PIGL: variants seen among roughly 807,000 people sequenced by gnomAD.
The protein encoded by PIGL is phosphatidylinositol glycan anchor biosynthesis class L, also known as N-acetylglucosaminyl-phosphatidylinositol de-N-acetylase.
A neutral mutation model predicts 31.1 loss-of-function variants in PIGL; 22 were observed. That is an observed-to-expected ratio of 0.71 (90% confidence interval 0.51 to 1.01). PIGL has a LOEUF of 1.01. PIGL is among the 50% of genes least tolerant of loss of function. The pLI is 0.00. For synonymous variants in PIGL, 131 were observed against 117.4 expected, an observed-to-expected ratio of 1.12 and a Z score of -0.75; for missense variants, 302 against 315.9, an observed-to-expected ratio of 0.96 and a Z score of 0.33.
At chr17:16,264,882 C>A (rs904488839) in intron 2 of PIGL, among the ~76,000 whole-genome samples, 3 of 152,180 alleles carry the variant, frequency 2.0e-5, no homozygotes, top group African/African-American at 7.2e-5. Context: ...CCTCCTCTGC[C>A]TCCCAAAGTG....
chr17:16,277,681 C>T (rs985939081), intron 2 of PIGL, among the ~76,000 whole-genome samples: 1 of 152,108 alleles, frequency 6.6e-6, no homozygotes, highest in East Asian at 1.9e-4. Flanking sequence ...TCAATAACAC[C>T]TGTTAGAGTT....
At chr17:16,305,079 C>T (rs1259562545) in intron 3 of PIGL, among the ~76,000 whole-genome samples, 4 of 152,030 alleles carry the variant, frequency 2.6e-5, no homozygotes, top group Non-Finnish European at 4.4e-5. Flanking sequence ...TGCTTGAGAC[C>T]AGCCTGGGCA....
intron 3 of PIGL, among the ~76,000 whole-genome samples, chr17:16,302,600 C>A (rs1168254222): frequency 5.3e-5 from 8 of 151,922 alleles, no homozygotes; most frequent in Admixed American, 6.6e-5. Context: ...ATCTTTTTTT[C>A]TTTTTCTTTT....
intron 2 of PIGL, among the ~76,000 whole-genome samples, chr17:16,276,476 T>C (rs1483881863): frequency 6.6e-6 from 1 of 152,232 alleles, no homozygotes; most frequent in Non-Finnish European, 1.5e-5. Context: ...CTCACACCTA[T>C]AATCCCAGCA....
intron 2 of PIGL, among the ~76,000 whole-genome samples, chr17:16,284,442 C>G (rs1461959474): frequency 6.6e-6 from 1 of 152,190 alleles, no homozygotes; most frequent in African/African-American, 2.4e-5. Context: ...TGCCTGGGGA[C>G]TAGACTGCCT....
chr17:16,251,588 A>G (rs942587673), intron 2 of PIGL, among the ~76,000 whole-genome samples: 2 of 151,676 alleles, frequency 1.3e-5, no homozygotes, highest in African/African-American at 2.4e-5. Context: ...GGGGGAAAAA[A>G]TCTAGTTCTC....
At chr17:16,313,137 C>CT (rs1313204364) in intron 3 of PIGL, among the ~76,000 whole-genome samples, 2 of 152,076 alleles carry the variant, frequency 1.3e-5, no homozygotes, top group African/African-American at 4.8e-5. Context: ...TCCTTCAAAG[C>CT]TTTTTTTGCC....
chr17:16,255,770 T>C (rs914308183), intron 2 of PIGL, among the ~76,000 whole-genome samples: 1 of 152,118 alleles, frequency 6.6e-6, no homozygotes, highest in Non-Finnish European at 1.5e-5. Flanking sequence ...CACAAAGAAG[T>C]GGCTGGGCTG....
At chr17:16,317,223 T>C in intron 5 of PIGL, 1 of 1,005,250 alleles carries the variant, frequency 9.9e-7, no homozygotes, top group Non-Finnish European at 1.2e-6. Context: ...AATGAAAACG[T>C]AAGTAGTTTG....
chr17:16,220,035 C>T (rs1272827901), intron 1 of PIGL, among the ~76,000 whole-genome samples: 2 of 151,728 alleles, frequency 1.3e-5, no homozygotes, highest in East Asian at 1.9e-4. Flanking sequence ...AATTTGGGAC[C>T]AGAATTGAAA....
At chr17:16,231,120 C>T (rs1263312641) in intron 1 of PIGL, among the ~76,000 whole-genome samples, 1 of 138,290 alleles carries the variant, frequency 7.2e-6, no homozygotes, top group African/African-American at 2.7e-5. Flanking sequence ...TATTCCCCAG[C>T]CTGGTCTTGA....
chr17:16,324,579 G>A (rs1459733339), intron 6 of PIGL, among the ~76,000 whole-genome samples: 1 of 151,836 alleles, frequency 6.6e-6, no homozygotes, highest in Non-Finnish European at 1.5e-5. Flanking sequence ...GGCTGGTCTC[G>A]AACTCCCGAC....
At chr17:16,220,275 G>C (rs1368076155) in intron 1 of PIGL, among the ~76,000 whole-genome samples, 1 of 151,908 alleles carries the variant, frequency 6.6e-6, no homozygotes, top group Non-Finnish European at 1.5e-5. Context: ...TTGAACCCAG[G>C]AGGCGGAGGT....
chr17:16,233,868 G>C (rs974137013), intron 1 of PIGL, 103 bp from the exon 2 acceptor site: 3 of 633,768 alleles, frequency 4.7e-6, no homozygotes, highest in Non-Finnish European at 5.6e-6. Context: ...TTTTCAGGCA[G>C]CTTAAATCCT....
At chr17:16,241,491 T>G (rs2092723172) in intron 2 of PIGL, among the ~76,000 whole-genome samples, 1 of 151,238 alleles carries the variant, frequency 6.6e-6, no homozygotes, top group African/African-American at 2.4e-5. Context: ...CACTTGAACC[T>G]GGGAGGAGGA....
chr17:16,238,832 ACAGGAGGTGAAGGTTG>A (rs2092710489), intron 2 of PIGL, among the ~76,000 whole-genome samples: 1 of 148,030 alleles, frequency 6.8e-6, no homozygotes, highest in South Asian at 2.2e-4. Context: ...CTGCTTGAAC[ACAGGAGGTGAAGGTTG>A]CAGTGAGCTG....
chr17:16,233,412 C>T (rs1263729918), intron 1 of PIGL, among the ~76,000 whole-genome samples: 1 of 152,038 alleles, frequency 6.6e-6, no homozygotes, highest in Non-Finnish European at 1.5e-5. Flanking sequence ...GGATCAAGAT[C>T]CCCTTGGGGT....
chr17:16,273,259 G>C (rs1287400326), intron 2 of PIGL, among the ~76,000 whole-genome samples: 3 of 152,170 alleles, frequency 2.0e-5, no homozygotes, highest in Non-Finnish European at 2.9e-5. Context: ...TGTGATCTGA[G>C]CTTTAAGAGA....
intron 3 of PIGL, among the ~76,000 whole-genome samples, chr17:16,309,564 C>G (rs2093039737): frequency 6.7e-6 from 1 of 150,318 alleles, no homozygotes; most frequent in Non-Finnish European, 1.5e-5. Context: ...AGTTGAAGAC[C>G]AGCCTGGCCA....
Sources: allele counts gnomAD v4.1 joint callset (sites outside exome capture counted in the v4.1 genomes callset), GRCh38; gene constraint gnomAD v4.1.1; transcripts MANE v1.5; gene names NCBI Gene and HGNC (gene_info 2026-07-23, HGNC 2026-07-21).